The following SLC52A1 variants were observed in gnomAD, a reference collection of about 807,000 sequenced individuals.
SLC52A1 encodes solute carrier family 52 member 1.
In SLC52A1, 20 loss-of-function variants were observed where a neutral mutation model predicts 23.2. The observed-to-expected ratio is 0.86, with a 90% CI of 0.61 to 1.25. The LOEUF is 1.25. Ranked by LOEUF, SLC52A1 falls within the 50% of genes most tolerant of loss-of-function variation. The probability of loss-of-function intolerance (pLI) is 0.00; values close to 1 mark genes in which losing one functional copy is unlikely to be tolerated. For synonymous variants in SLC52A1, 260 were observed against 256.6 expected (o/e 1.01, Z -0.13); for missense variants, 528 against 557.0 (o/e 0.95, Z 0.52).
chr17:5,034,336 G>A lies in SLC52A1; in HGVS notation c.153C>T (p.Leu51=), dbSNP rs950022527. The change falls in exon 3 of 5, where the codon CTC becomes CTT. Residue 51 remains leucine (L), a synonymous_variant. Transcript: ENST00000254853. ...LPEGWSLPSY[L]SVVVALGNLG... Reference sequence around the variant, plus strand: ...GGTTTCCCAGCGCCACAACCACAGAGAGGTATGAGGGGAGGCTCCAACCTG... The same window carrying A: ...GGTTTCCCAGCGCCACAACCACAGAAAGGTATGAGGGGAGGCTCCAACCTG... The A allele has an allele frequency of 6.3e-7, 1 of 1,582,128 alleles. No homozygotes were observed.
chr17:5,034,300 C>T lies in SLC52A1; in HGVS notation c.189G>A (p.Leu63=), dbSNP rs201707443. ...VVVALGNLGL[L]VVTLWRQLAP... ...CCAGCTGCCTCCACAGGGTCACCAC[C>T]AGCAGACCCAGGTTTCCCAGCGCCA... Residue 63 remains leucine (L), a synonymous_variant, in exon 3 of 5, where the codon CTG becomes CTA. Coordinates refer to ENST00000254853, the MANE Select transcript of SLC52A1 (RefSeq NM_017986.4). 37 of 1,598,804 alleles carry T rather than the reference C, an allele frequency of 2.3e-5. No homozygotes were observed. In the East Asian group the frequency reaches 7.1e-4, roughly 31 times the overall value.
chr17:5,034,681 C>T lies in SLC52A1; in HGVS notation c.-75G>A. ...CCTTCCCTAGGTAGGTCCAAAGATG[C>T]TTTGGTTCTTCTGGAAACTGAAGAC... On this transcript the variant is annotated 5_prime_UTR_variant, in exon 2 of 5. Transcript: ENST00000254853. The T allele has an allele frequency of 6.3e-7, 1 of 1,576,248 alleles. No individual in the cohort carries two copies. The highest frequency in any genetic ancestry group is 8.6e-7 in the Non-Finnish European group (1 of 1,161,918).
chr17:5,033,443 A>C, intron 3 of SLC52A1, 36 bp downstream of exon 3: 1 of 1,610,736 alleles, frequency 6.2e-7, no homozygotes, highest in Non-Finnish European at 8.5e-7. Context: ...CCCCAACCTT[A>C]AGTTCCACCC....
upstream of SLC52A1, among the ~76,000 whole-genome samples, chr17:5,035,824 C>A (rs1336032032): frequency 1.3e-5 from 2 of 151,456 alleles, no homozygotes; most frequent in African/African-American, 4.9e-5. Context: ...CTCTCCCCAC[C>A]CCCCCACAAG....
chr17:5,037,447 A>T (rs1280426577), upstream of SLC52A1, among the ~76,000 whole-genome samples: 2 of 152,094 alleles, frequency 1.3e-5, no homozygotes, highest in African/African-American at 4.8e-5. Context: ...TGAACCAGGG[A>T]GGTGGAGGTT....
intron 1 of SLC52A1, among the ~76,000 whole-genome samples, chr17:5,041,017 G>A (rs1217624560): frequency 4.0e-5 from 6 of 151,832 alleles, no homozygotes; most frequent in East Asian, 2.0e-4. Context: ...GGATGGTCTC[G>A]ATCTCCTGAC....
chr17:5,033,924 C>G lies in SLC52A1; in HGVS notation c.565G>C (p.Glu189Gln), dbSNP rs772552197. ...AAGAAGGTGCTGGCAGGAAAACGCTCAGGGAAGTCGAGGGGAGGCCCAGAG... is the reference window on the plus strand; with the variant it reads ...AAGAAGGTGCTGGCAGGAAAACGCTGAGGGAAGTCGAGGGGAGGCCCAGAG... ...GTSGPPLDFP[E>Q]RFPASTFFWA... Residue 189 changes from glutamate (E) to glutamine (Q), a missense_variant, in exon 3 of 5, where the codon GAG becomes CAG. Glu to Gln is a conservative substitution (Grantham distance 29). Transcript: ENST00000254853. 1.1e-4 allele frequency: 170 copies of G among 1,614,082 alleles called. No individual in the cohort carries two copies. Among genetic ancestry groups the G allele is most frequent in the Non-Finnish European group, 1.4e-4 (162 of 1,180,046 alleles).
In SLC52A1 at chr17:5,034,908, G is replaced by GCAGGCAGA. The variant is rs1309590865; in HGVS notation, c.-163_-156dup. Reference sequence around the variant, plus strand: ...TGGGTACAGCGACCCAGCAGTGCCGGCAGGCAGACAGGCAGAAAGCTGGCC... The same window carrying GCAGGCAGA: ...TGGGTACAGCGACCCAGCAGTGCCGGCAGGCAGACAGGCAGACAGGCAGAAAGCTGGCC... On this transcript the variant is annotated 5_prime_UTR_variant, in exon 1 of 5. Coordinates refer to ENST00000254853, the MANE Select transcript of SLC52A1 (RefSeq NM_017986.4). The GCAGGCAGA allele has an allele frequency of 3.4e-6, 1 of 296,300 alleles. No homozygotes were observed. Among genetic ancestry groups the GCAGGCAGA allele is most frequent in the Non-Finnish European group, 6.6e-6 (1 of 151,546 alleles). 18.4% of individuals were successfully genotyped at this position (296,300 alleles called of 1,614,324 possible).
In SLC52A1 at chr17:5,032,954, G is replaced by C; in HGVS notation, c.*3C>G. The C allele has an allele frequency of 1.2e-6, 2 of 1,609,782 alleles. No individual in the cohort carries two copies. The highest frequency in any genetic ancestry group is 2.2e-5 in the South Asian group (2 of 91,040). On this transcript the variant is annotated 3_prime_UTR_variant, in exon 5 of 5. Transcript: ENST00000254853. ...GTGGAGTTGGGTCCCCACCTGCCCA[G>C]GCTCAGGGGCCACAGGGGTCTACAC...
In SLC52A1 at chr17:5,034,484, A is replaced by C; in HGVS notation, c.123T>G (p.Leu41=). The C allele has an allele frequency of 6.2e-7, 1 of 1,614,198 alleles. No individual in the cohort carries two copies. Among genetic ancestry groups the C allele is most frequent in the Non-Finnish European group, 8.5e-7 (1 of 1,180,024 alleles). ...TACCTCCCTCCCACTCACCCTCTGG[A>C]AGGTCTTTTACCACCACAGGCAGCT... ...WVELPVVVKD[L]PEGWSLPSYL... Residue 41 remains leucine (L), a synonymous_variant, in exon 2 of 5, where the codon CTT becomes CTG. Coordinates refer to ENST00000254853, the MANE Select transcript of SLC52A1 (RefSeq NM_017986.4).
At chr17:5,042,025 C>G (rs1338747520) in intron 1 of SLC52A1, among the ~76,000 whole-genome samples, 3 of 152,204 alleles carry the variant, frequency 2.0e-5, no homozygotes, top group Non-Finnish European at 2.9e-5. Context: ...CGTGAGTCAC[C>G]ATGCCCAGCC....
intron 2 of SLC52A1, 33 bp from the exon 3 acceptor site, chr17:5,034,391 A>G: frequency 6.3e-7 from 1 of 1,596,106 alleles, no homozygotes; most frequent in Non-Finnish European, 8.5e-7. Context: ...TGTCAGGAGC[A>G]CAGTGGCTAA....
chr17:5,040,381 A>G (rs1330874341), upstream of SLC52A1, among the ~76,000 whole-genome samples: 1 of 152,060 alleles, frequency 6.6e-6, no homozygotes, highest in East Asian at 1.9e-4. Context: ...GCTCTGCTGC[A>G]TAGGCTGCTC....
At chr17:5,036,050 T>TC (rs1975448792), upstream of SLC52A1, among the ~76,000 whole-genome samples, 1 of 139,214 alleles carries the variant, frequency 7.2e-6, no homozygotes, top group African/African-American at 2.6e-5. Flanking sequence ...CTTTTTTTTT[T>TC]TTTTTTTTTT....
At position 5,033,560 on chromosome 17, in the gene SLC52A1, C is replaced by A. The variant is rs9897165; in HGVS notation, c.929G>T (p.Arg310Leu). 2.7e-5 allele frequency: 43 copies of A among 1,613,760 alleles called. No individual in the cohort carries two copies. The South Asian group carries it at 4.5e-4, about 17-fold the overall frequency. ...CACCACAGCCAGGTGGTAGGCCAGGCGCCCATAGGGCAAACAGGAAAAGCT... is the reference window on the plus strand; with the variant it reads ...CACCACAGCCAGGTGGTAGGCCAGGAGCCCATAGGGCAAACAGGAAAAGCT... ...VQSFSCLPYG[R>L]LAYHLAVVLG... Residue 310 changes from arginine to leucine, a missense_variant, in exon 3 of 5, where the codon CGC becomes CTC. Arg to Leu is a moderately radical substitution (Grantham distance 102, BLOSUM62 -2). Coordinates refer to ENST00000254853, the MANE Select transcript of SLC52A1 (RefSeq NM_017986.4).
In SLC52A1 at chr17:5,034,583, A is replaced by G. The variant is rs1420099079; in HGVS notation, c.24T>C (p.Arg8=). The change falls in exon 2 of 5, where the codon CGT becomes CGC. Residue 8 remains arginine, a synonymous_variant. Transcript: ENST00000254853. ...CCACCAGCAGGTGGGTCAGCACCAG[A>G]CGGCCCAGCGTGGGTGCTGCCATTC... MAAPTLG[R]LVLTHLLVAL... 6.2e-7 allele frequency: 1 copy of G among 1,614,158 alleles called. No homozygotes were observed. Among genetic ancestry groups the G allele is most frequent in the Admixed American group, 1.7e-5 (1 of 60,018 alleles).
chr17:5,037,178 A>C (rs1286064455), upstream of SLC52A1, among the ~76,000 whole-genome samples: 2 of 152,144 alleles, frequency 1.3e-5, no homozygotes, highest in African/African-American at 2.4e-5. Flanking sequence ...CAAAGAAAAC[A>C]AAAGAATCGT....
chr17:5,039,142 G>A (rs567788548), upstream of SLC52A1, among the ~76,000 whole-genome samples: 521 of 151,316 alleles, frequency 3.4e-3, 2 homozygotes, highest in African/African-American at 0.011. Context: ...GGCCAACACG[G>A]TGAAACCCCG....
In SLC52A1 at chr17:5,034,088, G is replaced by A. The variant is rs749022221; in HGVS notation, c.401C>T (p.Pro134Leu). Residue 134 changes from proline (P) to leucine (L), a missense_variant, in exon 3 of 5, where the codon CCC becomes CTC. Physicochemically the swap from Pro to Leu is moderately conservative, Grantham distance 98. Coordinates refer to ENST00000254853, the MANE Select transcript of SLC52A1 (RefSeq NM_017986.4). ...AGGAGGTGGCAGGTGGCTCAGGAAG[G>A]GCAGGAAAGTGACATTAGAGGTACA... ...ACCTSNVTFL[P>L]FLSHLPPPFL... The A allele has an allele frequency of 2.4e-5, 39 of 1,614,076 alleles. No individual in the cohort carries two copies. The highest frequency in any genetic ancestry group is 3.1e-5 in the Non-Finnish European group (37 of 1,180,038).
Sources: gnomAD v4.1 joint callset for allele counts (sites outside exome capture counted in the v4.1 genomes callset) on GRCh38, gnomAD v4.1.1 for gene constraint, MANE v1.5 for transcripts, NCBI Gene and HGNC (gene_info 2026-07-23, HGNC 2026-07-21) for gene names.